The following SYNE1 variants were observed in gnomAD, a reference collection of about 807,000 sequenced individuals.
SYNE1 encodes the protein spectrin repeat containing nuclear envelope protein 1.
SYNE1 carries 616 observed loss-of-function variants against 1,111.0 expected under a neutral mutation model. The observed-to-expected ratio is 0.55, with a 90% CI of 0.52 to 0.59. The LOEUF (loss-of-function observed/expected upper bound fraction) is 0.59, where lower values mean the gene tolerates loss of function less well. Ranked by LOEUF, SYNE1 falls within the 20% of genes least tolerant of loss-of-function variation. SYNE1 has a pLI of 0.00. For synonymous variants in SYNE1, 3,855 were observed against 3,825.8 expected (o/e 1.01, Z -0.28); for missense variants, 10,006 against 10,417.0 (o/e 0.96, Z 1.72).
At chr6:152,348,747 T>G (rs930125003) in intron 72 of SYNE1, among the ~76,000 whole-genome samples, 4 of 66,044 alleles carry the variant, frequency 6.1e-5, no homozygotes, top group Admixed American at 4.5e-4. Flanking sequence ...AGTTCTAGTG[T>G]TTTTTTTTTT....
chr6:152,226,570 AT>A (rs995772364), intron 115 of SYNE1, among the ~76,000 whole-genome samples: 3 of 152,230 alleles, frequency 2.0e-5, no homozygotes, highest in Non-Finnish European at 4.4e-5. Context: ...GAAAAGCAAA[AT>A]GAAGAAAAGA....
chr6:152,442,100 C>T lies in SYNE1; in HGVS notation c.3983G>A (p.Arg1328Gln), dbSNP rs748580871. 1.4e-5 allele frequency: 22 copies of T among 1,613,988 alleles called. No individual in the cohort carries two copies. The highest frequency in any genetic ancestry group is 6.7e-5 in the East Asian group (3 of 44,894). ...ESTLDGLERS[R>Q]ERQERRIQVT... ...CTGGATGCGGCGTTCCTGCCTCTCC[C>T]GGCTGCGCTCCAGGCCATCCAGTGT... is the stretch of plus-strand genomic sequence containing the variant. The change falls in exon 31 of 146, where the codon CGG (arginine) becomes CAG (glutamine). Residue 1328 changes from arginine to glutamine, a missense_variant. Arg to Gln is a conservative substitution (Grantham distance 43). Coordinates refer to ENST00000367255, the MANE Select transcript of SYNE1 (RefSeq NM_182961.4).
At chr6:152,555,735 T>C (rs772530176) in intron 3 of SYNE1, among the ~76,000 whole-genome samples, 8 of 152,152 alleles carry the variant, frequency 5.3e-5, no homozygotes, top group Non-Finnish European at 1.0e-4. Flanking sequence ...TATAACATGT[T>C]GGTATTTTTA....
chr6:152,175,370 T>C (rs2066171247), intron 130 of SYNE1, among the ~76,000 whole-genome samples: 1 of 152,248 alleles, frequency 6.6e-6, no homozygotes, highest in African/African-American at 2.4e-5. Context: ...GGTGCCCACA[T>C]GCGGTTTTGA....
At chr6:152,234,601 T>G (rs2083567426) in intron 111 of SYNE1, 67 bp downstream of exon 111, 26 of 1,597,986 alleles carry the variant, frequency 1.6e-5, no homozygotes, top group Non-Finnish European at 2.0e-5. Context: ...TGACTTCTTT[T>G]CTACTGGTGT....
At chr6:152,363,448 C>G (rs907689799) in intron 63 of SYNE1, among the ~76,000 whole-genome samples, 10 of 150,714 alleles carry the variant, frequency 6.6e-5, no homozygotes, top group African/African-American at 2.4e-4. Flanking sequence ...GAGCCGAGAT[C>G]GTGCCACTGC....
At chr6:152,447,403 C>A in intron 29 of SYNE1, 55 bp downstream of exon 29, 1 of 1,592,062 alleles carries the variant, frequency 6.3e-7, no homozygotes, top group Non-Finnish European at 8.6e-7. Flanking sequence ...AGAAAAAGAA[C>A]CTTCCAGATG....
chr6:152,193,206 C>T (rs1236385819), intron 127 of SYNE1, among the ~76,000 whole-genome samples: 1 of 151,874 alleles, frequency 6.6e-6, no homozygotes, highest in African/African-American at 2.4e-5. Flanking sequence ...TAATTTGTTG[C>T]TTTTTATTTT....
At chr6:152,350,839 C>T (rs2096729490) in intron 70 of SYNE1, 69 bp from the exon 71 acceptor site, 12 of 1,577,480 alleles carry the variant, frequency 7.6e-6, no homozygotes, top group South Asian at 2.2e-5. Flanking sequence ...TACATATTCC[C>T]ATGGTATGCA....
rs146056577 is a variant in SYNE1, at chr6:152,581,313, C to T, written c.68-41292G>A. Among the ~76,000 whole-genome samples, 859 of 152,284 alleles carry T rather than the reference C, an allele frequency of 5.6e-3. 8 individuals carry two copies. Among genetic ancestry groups the T allele is most frequent in the African/African-American group, 0.019 (777 of 41,544 alleles). ...GAGAGGGCTTCTCCATCAGCCACAA[C>T]CTTCAGCCTGTACCTCAAATCAAAT... On this transcript the variant is annotated intron_variant, in intron 3 of 145. Coordinates refer to ENST00000367255, the MANE Select transcript of SYNE1 (RefSeq NM_182961.4).
At chr6:152,374,502 G>C (rs2097246935) in intron 58 of SYNE1, among the ~76,000 whole-genome samples, 1 of 152,208 alleles carries the variant, frequency 6.6e-6, no homozygotes, top group Non-Finnish European at 1.5e-5. Flanking sequence ...AGCCATGTGT[G>C]GTGGCTCATG....
At chr6:152,334,350 A>G in intron 76 of SYNE1, 77 bp from the exon 77 acceptor site, 1 of 1,516,644 alleles carries the variant, frequency 6.6e-7, no homozygotes, top group Non-Finnish European at 9.0e-7. Flanking sequence ...ACACAGACAT[A>G]AGACCTTTAA....
intron 3 of SYNE1, among the ~76,000 whole-genome samples, chr6:152,558,840 A>G (rs2128206895): frequency 6.6e-6 from 1 of 152,240 alleles, no homozygotes; most frequent in Admixed American, 6.5e-5. Flanking sequence ...AACCTAAACA[A>G]TGTAACAGAT....
At chr6:152,293,874 G>A in intron 94 of SYNE1, 86 bp downstream of exon 94, 3 of 1,609,210 alleles carry the variant, frequency 1.9e-6, no homozygotes, top group Non-Finnish European at 2.6e-6. Context: ...GACTGGATAT[G>A]TAAACTCTCT....
At chr6:152,225,303 GCACA>G (rs71268493) in intron 116 of SYNE1, among the ~76,000 whole-genome samples, 4 of 109,700 alleles carry the variant, frequency 3.6e-5, no homozygotes, top group Admixed American at 3.3e-4. Flanking sequence ...ACACACACAC[GCACA>G]CACACACACA....
At position 152,310,518 on chromosome 6, in the gene SYNE1, C is replaced by T; in HGVS notation, c.16897G>A (p.Asp5633Asn). Residue 5633 changes from aspartate (D) to asparagine (N), a missense_variant and splice_region_variant, in exon 89 of 146, where the codon GAT becomes AAT. Around this residue, in one of 7 missense-constraint regions of SYNE1, gnomAD observed 4,955 missense variants for 5,017.2 expected, o/e 0.99. Coordinates refer to ENST00000367255, the MANE Select transcript of SYNE1 (RefSeq NM_182961.4). ...AACTCTGCTTCAAATTTTTTCATAT[C>T]CTAGAGAGTCAATATCAATGTATTG... ...RLQNLQDAAKDMKKFEAELKK... is the reference protein window; with the variant it reads ...RLQNLQDAAKNMKKFEAELKK... The T allele has an allele frequency of 6.2e-7, 1 of 1,613,910 alleles. No homozygotes were observed. Among genetic ancestry groups the T allele is most frequent in the South Asian group, 1.1e-5 (1 of 91,066 alleles).
intron 2 of SYNE1, among the ~76,000 whole-genome samples, chr6:152,629,880 CATGTGAG>C (rs1015160966): frequency 6.6e-6 from 1 of 151,938 alleles, no homozygotes; most frequent in African/African-American, 2.4e-5. Flanking sequence ...AAAGCTCATA[CATGTGAG>C]ATGGTGCACC....
intron 117 of SYNE1, among the ~76,000 whole-genome samples, chr6:152,224,106 C>T (rs1054951891): frequency 5.9e-5 from 9 of 152,110 alleles, no homozygotes; most frequent in Admixed American, 1.3e-4. Context: ...CCACTTTTGC[C>T]GTTTTTCTCT....
rs142900784 is a variant in SYNE1 at position 152,428,405 on chromosome 6, C to T, written c.4789-13G>A. 6.3e-3 allele frequency: 10,123 copies of T among 1,612,740 alleles called. 48 individuals carry two copies. The highest frequency in any genetic ancestry group is 7.1e-3 in the Non-Finnish European group (8,403 of 1,179,878). ...CCTGGCAGAGATCCTAAGAAGAGTG[C>T]GAGAAGAATGCAGTGAAAGCACAGG... On this transcript the variant is annotated splice_polypyrimidine_tract_variant and intron_variant, in intron 36 of 145. Transcript: ENST00000367255.
Sources: allele counts gnomAD v4.1 joint callset (sites outside exome capture counted in the v4.1 genomes callset), GRCh38; gene constraint gnomAD v4.1.1; regional missense constraint gnomAD v4.1.1; transcripts MANE v1.5; gene names NCBI Gene and HGNC (gene_info 2026-07-23, HGNC 2026-07-21).